Variants in PDZRN4 observed in about 807,000 individuals in gnomAD.
PDZRN4 encodes the protein PDZ domain-containing RING finger protein 4.
In PDZRN4, 70 loss-of-function variants were observed where a neutral mutation model predicts 99.0. That is an observed-to-expected ratio of 0.71 (90% CI 0.58 to 0.86). The LOEUF is 0.86. Among genes scored for constraint, PDZRN4 ranks in the 40% least tolerant of loss-of-function variants. PDZRN4 has a pLI of 0.00. For synonymous variants in PDZRN4, 551 were observed against 501.6 expected (o/e 1.10, Z -1.32); for missense variants, 1,474 against 1,331.2 (o/e 1.11, Z -1.67).
At chr12:41,517,204 C>A (rs1938415928) in intron 5 of PDZRN4, among the ~76,000 whole-genome samples, 1 of 152,008 alleles carries the variant, frequency 6.6e-6, no homozygotes, top group South Asian at 2.1e-4. Flanking sequence ...GTAAATTGAA[C>A]CTTCCAAGTT....
intron 3 of PDZRN4, among the ~76,000 whole-genome samples, chr12:41,360,132 A>T (rs1372546583): frequency 6.6e-6 from 1 of 151,916 alleles, no homozygotes; most frequent in Non-Finnish European, 1.5e-5. Context: ...AGAAACCATG[A>T]CTTCTATTTC....
chr12:41,372,276 C>T (rs1415454756), intron 3 of PDZRN4, among the ~76,000 whole-genome samples: 1 of 152,112 alleles, frequency 6.6e-6, no homozygotes, highest in East Asian at 1.9e-4. Flanking sequence ...ATTATGCATT[C>T]ATTTAGCAAC....
chr12:41,424,632 C>CA (rs1952519997), intron 3 of PDZRN4, among the ~76,000 whole-genome samples: 1 of 138,678 alleles, frequency 7.2e-6, no homozygotes, highest in African/African-American at 2.9e-5. Flanking sequence ...GAGTCTTAGT[C>CA]ATGCTAAGCT....
At chr12:41,328,797 G>A (rs1592014245) in intron 3 of PDZRN4, among the ~76,000 whole-genome samples, 3 of 152,234 alleles carry the variant, frequency 2.0e-5, no homozygotes, top group Non-Finnish European at 4.4e-5. Flanking sequence ...GACTCAGGAA[G>A]ACAGGAGACA....
intron 8 of PDZRN4, among the ~76,000 whole-genome samples, chr12:41,564,401 C>T (rs1939326963): frequency 6.6e-6 from 1 of 152,110 alleles, no homozygotes; most frequent in African/African-American, 2.4e-5. Context: ...TTTTATCTCC[C>T]ATCACAAGGC....
At chr12:41,296,573 G>T (rs1182686533) in intron 3 of PDZRN4, among the ~76,000 whole-genome samples, 3 of 152,064 alleles carry the variant, frequency 2.0e-5, no homozygotes, top group African/African-American at 4.8e-5. Context: ...TCAACAAAGG[G>T]CAATTTTTCA....
At chr12:41,300,531 G>T (rs927279103) in intron 3 of PDZRN4, among the ~76,000 whole-genome samples, 1 of 151,840 alleles carries the variant, frequency 6.6e-6, no homozygotes, top group Non-Finnish European at 1.5e-5. Context: ...ACACATATTA[G>T]AAATATTTCA....
At chr12:41,431,552 G>T (rs1444011647) in intron 3 of PDZRN4, among the ~76,000 whole-genome samples, 1 of 152,186 alleles carries the variant, frequency 6.6e-6, no homozygotes, top group African/African-American at 2.4e-5. Context: ...TCAGCCTGTA[G>T]GGTAAGTGTT....
At chr12:41,383,334 A>G (rs983195977) in intron 3 of PDZRN4, among the ~76,000 whole-genome samples, 8 of 152,248 alleles carry the variant, frequency 5.3e-5, no homozygotes, top group African/African-American at 1.9e-4. Flanking sequence ...GAAAGAAGGC[A>G]GAAAATCCGA....
chr12:41,191,651 T>A, intron 2 of PDZRN4, 107 bp downstream of exon 2: 1 of 553,676 alleles, frequency 1.8e-6, no homozygotes. Context: ...TTTGTGGATT[T>A]TGAGTAAGAA....
chr12:41,480,735 T>A (rs1937659690), intron 3 of PDZRN4, among the ~76,000 whole-genome samples: 1 of 152,076 alleles, frequency 6.6e-6, no homozygotes, highest in Admixed American at 6.6e-5. Flanking sequence ...TTTCAGATTG[T>A]CAACAGAAAG....
intron 3 of PDZRN4, among the ~76,000 whole-genome samples, chr12:41,277,492 G>C (rs115829149): frequency 0.015 from 2,261 of 152,262 alleles, 58 homozygotes; most frequent in African/African-American, 0.052. Context: ...TTATGCACCA[G>C]TGCAGATATG....
chr12:41,316,099 T>G (rs1277832500), intron 3 of PDZRN4, among the ~76,000 whole-genome samples: 1 of 152,162 alleles, frequency 6.6e-6, no homozygotes, highest in Non-Finnish European at 1.5e-5. Context: ...CAGGTAGAAC[T>G]GTAACCCATT....
rs191694052 is a variant in PDZRN4 at position 41,478,359 on chromosome 12, G to A, written c.844-28097G>A. On this transcript the variant is annotated intron_variant, in intron 3 of 9. Transcript: ENST00000402685. The stretch of plus-strand genomic sequence containing the variant: ...TCCAGCTCCTGACCTCAGGTGATCC[G>A]CCTGTCTCAGCCTCCCAAAGTGCTG... 3.3e-4 allele frequency among the ~76,000 whole-genome samples: 50 copies of A among 152,104 alleles called. 1 individual carries two copies. In the East Asian group the frequency reaches 9.1e-3, roughly 28 times the overall value.
At chr12:41,293,137 A>C (rs921568388) in intron 3 of PDZRN4, among the ~76,000 whole-genome samples, 1 of 146,510 alleles carries the variant, frequency 6.8e-6, no homozygotes, top group Non-Finnish European at 1.5e-5. Flanking sequence ...GTTCTAAAAA[A>C]AGTATTTGTG....
chr12:41,408,703 A>G (rs1385050361), intron 3 of PDZRN4, among the ~76,000 whole-genome samples: 1 of 152,110 alleles, frequency 6.6e-6, no homozygotes, highest in African/African-American at 2.4e-5. Context: ...ATCTGGTTGA[A>G]TAAATGAAGA....
intron 3 of PDZRN4, among the ~76,000 whole-genome samples, chr12:41,222,584 G>A (rs1950964185): frequency 6.6e-6 from 1 of 152,016 alleles, no homozygotes; most frequent in African/African-American, 2.4e-5. Flanking sequence ...AGTGGTGCAA[G>A]CTCAGCTCAC....
chr12:41,331,090 C>A (rs182233039), intron 3 of PDZRN4, among the ~76,000 whole-genome samples: 7 of 152,182 alleles, frequency 4.6e-5, no homozygotes, highest in Admixed American at 4.6e-4. Flanking sequence ...ATTGCAAATT[C>A]GTCCAATTGA....
intron 3 of PDZRN4, among the ~76,000 whole-genome samples, chr12:41,342,995 A>G (rs1609061): frequency 0.39 from 58,508 of 151,700 alleles, 11,371 homozygotes; most frequent in South Asian, 0.42. Context: ...AACAATAAAT[A>G]GATAAAGAAT....
Sources: gnomAD v4.1 joint callset for allele counts (sites outside exome capture counted in the v4.1 genomes callset) on GRCh38, gnomAD v4.1.1 for gene constraint, MANE v1.5 for transcripts, NCBI Gene and HGNC (gene_info 2026-07-23, HGNC 2026-07-21) for gene names.